Variants in ERCC6 observed in about 807,000 individuals in gnomAD.
ERCC6 encodes ERCC excision repair 6, chromatin remodeling factor.
ERCC6 carries 116 observed loss-of-function variants against 158.7 expected under a neutral mutation model. The ratio of observed to expected loss-of-function variants is 0.73; its 90% CI spans 0.63 to 0.85. The LOEUF (loss-of-function observed/expected upper bound fraction) is 0.85, where lower values mean the gene tolerates loss of function less well. ERCC6 is among the 40% of genes least tolerant of loss of function. The probability of loss-of-function intolerance (pLI) is 0.00; values close to 1 mark genes in which losing one functional copy is unlikely to be tolerated. For synonymous variants in ERCC6, 678 were observed against 659.3 expected, an observed-to-expected ratio of 1.03 and a Z score of -0.43; for missense variants, 1,698 against 1,799.4, an observed-to-expected ratio of 0.94 and a Z score of 1.02.
Position 49,470,601 on chromosome 10 carries a change from A to G in ERCC6, c.3359T>C (p.Leu1120Ser). The G allele has an allele frequency of 1.9e-6, 3 of 1,613,982 alleles. No individual in the cohort carries two copies. Among genetic ancestry groups the G allele is most frequent in the Non-Finnish European group, 2.5e-6 (3 of 1,179,914 alleles). ...TTCCCCATTTCCACTAATCACTGAC[A>G]ACTCTTCTGGTCCAGATACTGCATT... Reference protein sequence around the residue: ...ETNAVSGPEELSVISGNGECS... With the variant: ...ETNAVSGPEESSVISGNGECS... The change falls in exon 18 of 21, where the codon TTG (leucine) becomes TCG (serine). Residue 1120 changes from leucine (L) to serine (S), a missense_variant. By Grantham distance (145) the Leu-to-Ser change is moderately radical. Coordinates refer to ENST00000355832, the MANE Select transcript of ERCC6 (RefSeq NM_000124.4).
At position 49,461,373 on chromosome 10, in the gene ERCC6, G is replaced by C. The variant is rs746330518; in HGVS notation, c.3962C>G (p.Ser1321Cys). The C allele has an allele frequency of 1.9e-5, 30 of 1,613,554 alleles. No individual in the cohort carries two copies. In the East Asian group the frequency reaches 4.9e-4, roughly 26 times the overall value. ...TTACTTTTTTCCTGCTGGTGCACCA[G>C]AAATCCCCCTGTGGCCAGTCCAGGT... ...VPTWTGHRGISGAPAGKKSRF... is the reference protein window; with the variant it reads ...VPTWTGHRGICGAPAGKKSRF... Residue 1321 changes from serine to cysteine, a missense_variant, in exon 19 of 21, where the codon TCT (serine) becomes TGT (cysteine). Transcript: ENST00000355832.
chr10:49,445,458 A>T, the ERCC6 span, among the ~76,000 whole-genome samples: 1 of 152,242 alleles, frequency 6.6e-6, no homozygotes, highest in East Asian at 1.9e-4. Flanking sequence ...AAGCTTTAGA[A>T]CTATAAAGAT....
chr10:49,503,160 A>G (rs996233696), intron 6 of ERCC6: 1 of 152,126 alleles, frequency 6.6e-6, no homozygotes, highest in Non-Finnish European at 1.5e-5. Flanking sequence ...CATCAACTTA[A>G]CTAAAGTAGG....
intron 11 of ERCC6, 73 bp from the exon 12 acceptor site, chr10:49,476,383 A>AT (rs1271832236): frequency 9.7e-7 from 1 of 1,034,134 alleles, no homozygotes; most frequent in African/African-American, 1.6e-5. Context: ...ATATCAACAA[A>AT]ACTTCCTGAT....
chr10:49,491,469 T>A (rs762728438), intron 8 of ERCC6, among the ~76,000 whole-genome samples: 1 of 152,162 alleles, frequency 6.6e-6, no homozygotes, highest in Non-Finnish European at 1.5e-5. Flanking sequence ...ACTGAAAAAA[T>A]TATTAACAAC....
chr10:49,461,252 G>C, intron 19 of ERCC6, 100 bp downstream of exon 19: 1 of 1,205,498 alleles, frequency 8.3e-7, no homozygotes, highest in Non-Finnish European at 1.2e-6. Context: ...ATTTATTCCT[G>C]AAGAGAAATA....
At chr10:49,466,982 T>C (rs1850687741) in intron 18 of ERCC6, among the ~76,000 whole-genome samples, 1 of 152,166 alleles carries the variant, frequency 6.6e-6, no homozygotes, top group African/African-American at 2.4e-5. Flanking sequence ...AGTTTCACCA[T>C]GTTGTCCAGG....
chr10:49,523,489 CT>C (rs1837225727), intron 5 of ERCC6, among the ~76,000 whole-genome samples: 1 of 152,192 alleles, frequency 6.6e-6, no homozygotes, highest in South Asian at 2.1e-4. Context: ...ACAAAGTACA[CT>C]TTTTGCATGA....
At chr10:49,448,342 G>C in the ERCC6 span, among the ~76,000 whole-genome samples, 1 of 151,910 alleles carries the variant, frequency 6.6e-6, no homozygotes, top group African/African-American at 2.4e-5. Context: ...TATCTTCTTT[G>C]GGAAATGTCT....
chr10:49,478,571 T>C (rs542685261), intron 10 of ERCC6, 101 bp from the exon 11 acceptor site: 2 of 786,648 alleles, frequency 2.5e-6, no homozygotes, highest in Admixed American at 1.8e-5. Flanking sequence ...AAAAAAAGAA[T>C]AACCAACAGC....
At position 49,470,118 on chromosome 10, in the gene ERCC6, C is replaced by T. The variant is rs960718651; in HGVS notation, c.3778+64G>A. 13 of 1,446,476 alleles carry T rather than the reference C, an allele frequency of 9.0e-6. No individual in the cohort carries two copies. The African/African-American group carries it at 1.7e-4, about 19-fold the overall frequency. 89.6% of individuals were successfully genotyped at this position (1,446,476 alleles called of 1,614,324 possible). On this transcript the variant is annotated intron_variant, in intron 18 of 20. Coordinates refer to ENST00000355832, the MANE Select transcript of ERCC6 (RefSeq NM_000124.4). ...CACCATCAGTTAAAGACTGCTACTG[C>T]TAGAAACAGCCTACTCATTTTCTAA...
chr10:49,490,636 AG>A (rs1363423067), intron 8 of ERCC6, among the ~76,000 whole-genome samples: 1 of 152,218 alleles, frequency 6.6e-6, no homozygotes, highest in African/African-American at 2.4e-5. Context: ...TACAGGCATG[AG>A]CCACCACGCC....
At position 49,528,482 on chromosome 10, in the gene ERCC6, T is replaced by C. The variant is rs1328357103; in HGVS notation, c.587A>G (p.Gln196Arg). 1 of 1,614,106 alleles carries C rather than the reference T, an allele frequency of 6.2e-7. No homozygotes were observed. The highest frequency in any genetic ancestry group is 1.3e-5 in the African/African-American group (1 of 74,938). ...KKITAKQKHL[Q>R]AILGGAEVKI... is the part of the protein sequence containing the mutation. ...CACCTCTGCTCCTCCAAGGATGGCC[T>C]GGAGATGCTTTTGTTTTGCAGTGAT... Residue 196 changes from glutamine to arginine, a missense_variant, in exon 4 of 21, where the codon CAG becomes CGG. Transcript: ENST00000355832.
intron 7 of ERCC6, among the ~76,000 whole-genome samples, chr10:49,499,187 A>G (rs1402595701): frequency 2.0e-5 from 3 of 152,210 alleles, no homozygotes; most frequent in Non-Finnish European, 4.4e-5. Flanking sequence ...CCCTGCTTCA[A>G]TATAACTTCC....
chr10:49,471,577 C>T (rs530654631), intron 16 of ERCC6, among the ~76,000 whole-genome samples: 1 of 152,266 alleles, frequency 6.6e-6, no homozygotes, highest in East Asian at 1.9e-4. Flanking sequence ...CCACACTCTG[C>T]TGAAGCCCCA....
intron 10 of ERCC6, among the ~76,000 whole-genome samples, chr10:49,482,390 G>A (rs1458851135): frequency 6.6e-6 from 1 of 152,098 alleles, no homozygotes; most frequent in African/African-American, 2.4e-5. Context: ...GACCACATGT[G>A]ACATCTTTTT....
chr10:49,526,120 TATATATA>T (rs1837328887), intron 4 of ERCC6, among the ~76,000 whole-genome samples: 1 of 7,468 alleles, frequency 1.3e-4, no homozygotes, highest in African/African-American at 4.6e-4. Context: ...TATATTTTTA[TATATATA>T]TATATATATA....
intron 8 of ERCC6, among the ~76,000 whole-genome samples, 194 bp downstream of exon 8, chr10:49,492,923 C>A (rs186324912): frequency 6.6e-6 from 1 of 152,076 alleles, no homozygotes; most frequent in Admixed American, 6.5e-5. Context: ...ACTGTTAGAA[C>A]AATAAGACCT....
intron 5 of ERCC6, chr10:49,515,655 A>T: frequency 6.2e-7 from 1 of 1,614,158 alleles, no homozygotes; most frequent in Middle Eastern, 1.6e-4. Context: ...ACAGAACAAA[A>T]GAGGGCTTGA....
Sources: allele counts gnomAD v4.1 joint callset (sites outside exome capture counted in the v4.1 genomes callset), GRCh38; gene constraint gnomAD v4.1.1; transcripts MANE v1.5; gene names NCBI Gene and HGNC (gene_info 2026-07-23, HGNC 2026-07-21).